The following COPB1 variants were observed in gnomAD, a reference collection of about 807,000 sequenced individuals.
The protein encoded by COPB1 is coat protein complex I subunit beta 1.
COPB1 carries 21 observed loss-of-function variants against 108.7 expected under a neutral mutation model. The observed-to-expected ratio is 0.19, with a 90% confidence interval of 0.14 to 0.28. The LOEUF is 0.28. Ranked by LOEUF, COPB1 falls within the 10% of genes least tolerant of loss-of-function variation. COPB1 has a pLI of 1.00. For missense variants in COPB1, 919 were observed against 1,141.3 expected (o/e 0.81, Z 2.81); for synonymous variants, 378 against 386.8 (o/e 0.98, Z 0.27).
intron 14 of COPB1, among the ~76,000 whole-genome samples, chr11:14,473,361 T>A: frequency 6.6e-6 from 1 of 152,216 alleles, no homozygotes; most frequent in East Asian, 1.9e-4. Context: ...GGCTACCTAC[T>A]TGGCAAAAGC....
chr11:14,481,209 A>G, intron 8 of COPB1, 112 bp from the exon 9 acceptor site: 3 of 760,952 alleles, frequency 3.9e-6, no homozygotes, highest in South Asian at 1.8e-5. Flanking sequence ...TCTTTAATCA[A>G]TAACAAAACC....
intron 17 of COPB1, 99 bp downstream of exon 17, chr11:14,466,183 T>A: frequency 8.6e-7 from 1 of 1,160,406 alleles, no homozygotes; most frequent in Non-Finnish European, 1.2e-6. Flanking sequence ...TCAGAAAAGG[T>A]TCAAGAGAAT....
In COPB1 at chr11:14,490,596, T is replaced by C. The variant is rs764484428; in HGVS notation, c.575A>G (p.Asn192Ser). The change falls in exon 5 of 22, where the codon AAT (asparagine) becomes AGT (serine). Residue 192 changes from asparagine (N) to serine (S), a missense_variant. Coordinates refer to ENST00000439561, the MANE Select transcript of COPB1 (RefSeq NM_001144061.2). ...TGCATGAATTAGCATCATAAATGCA[T>C]TCCTTTTGCAACTTGCATCCTTCTC... ...VNEKDASCKR[N>S]AFMMLIHADQ... 4 of 1,612,708 alleles carry C rather than the reference T, an allele frequency of 2.5e-6. No individual in the cohort carries two copies. In the South Asian group the frequency reaches 3.3e-5, roughly 13 times the overall value.
At chr11:14,469,032 G>A (rs539568832) in intron 15 of COPB1, among the ~76,000 whole-genome samples, 172 bp from the exon 16 acceptor site, 1 of 152,142 alleles carries the variant, frequency 6.6e-6, no homozygotes, top group East Asian at 1.9e-4. Flanking sequence ...CTGTTACTCT[G>A]TTGCCCAGGC....
At chr11:14,498,523 A>G (rs1362277861) in intron 2 of COPB1, among the ~76,000 whole-genome samples, 3 of 152,234 alleles carry the variant, frequency 2.0e-5, no homozygotes, top group African/African-American at 7.2e-5. Flanking sequence ...ATTCCAATAC[A>G]CATCCTCAAC....
intron 12 of COPB1, among the ~76,000 whole-genome samples, chr11:14,476,406 C>T (rs1185312324): frequency 6.6e-6 from 1 of 152,298 alleles, no homozygotes; most frequent in Middle Eastern, 3.4e-3. Context: ...TTTAAATTAA[C>T]TGAATGGCTA....
At position 14,499,013 on chromosome 11, in the gene COPB1, T is replaced by C. The variant is rs1427818432; in HGVS notation, c.-57-28A>G. 3.8e-6 allele frequency: 4 copies of C among 1,055,062 alleles called. No homozygotes were observed. In the East Asian group the frequency reaches 1.1e-4, roughly 28 times the overall value. The allele number at this position is 1,055,062 out of a possible 1,614,324, so 65.4% of individuals were successfully genotyped here. A position where few individuals can be genotyped will look rare whatever the true frequency, so the allele number is the denominator to read the frequency against. On this transcript the variant is annotated intron_variant, in intron 1 of 21. Coordinates refer to ENST00000439561, the MANE Select transcript of COPB1 (RefSeq NM_001144061.2). ...AGAAAAATAAACACAGACATATCATTACAAATTAAAAAAAAAAAACCCACA... is the reference window on the plus strand; with the variant it reads ...AGAAAAATAAACACAGACATATCATCACAAATTAAAAAAAAAAAACCCACA...
At chr11:14,469,213 T>C (rs1448730250) in intron 15 of COPB1, 123 bp downstream of exon 15, 1 of 792,824 alleles carries the variant, frequency 1.3e-6, no homozygotes, top group Non-Finnish European at 2.1e-6. Context: ...CCCACACTGG[T>C]CTCAAACACC....
At position 14,457,855 on chromosome 11, in the gene COPB1, AT is replaced by A; in HGVS notation, c.2830del (p.Ile944SerfsTer24). 1 of 1,590,184 alleles carries A rather than the reference AT, an allele frequency of 6.3e-7. No homozygotes were observed. The highest frequency in any genetic ancestry group is 8.6e-7 in the Non-Finnish European group (1 of 1,162,594). On this transcript the variant is annotated frameshift_variant, in exon 22 of 22. Coordinates refer to ENST00000439561, the MANE Select transcript of COPB1 (RefSeq NM_001144061.2). LOFTEE classifies it high-confidence loss of function. ...QGMALSLGDK[I>X]NLSQKKTSI The stretch of plus-strand genomic sequence containing the variant: ...ACTAGTTTTCTTCTGTGACAAGTTG[AT>A]TTTATCTCCAAGACTTAAGGCCATT...
chr11:14,486,511 A>G lies in COPB1; in HGVS notation c.700-7T>C. 1 of 1,611,722 alleles carries G rather than the reference A, an allele frequency of 6.2e-7. No homozygotes were observed. The highest frequency in any genetic ancestry group is 8.5e-7 in the Non-Finnish European group (1 of 1,179,232). ...ATGGATTAGCATGACAGACCTGGAG[A>G]AGAAAACATTAACATTTCAACCGAT... On this transcript the variant is annotated splice_region_variant and splice_polypyrimidine_tract_variant and intron_variant, in intron 6 of 21. Transcript: ENST00000439561.
chr11:14,487,043 A>C (rs771465828), intron 6 of COPB1, among the ~76,000 whole-genome samples: 2 of 152,188 alleles, frequency 1.3e-5, no homozygotes, highest in Non-Finnish European at 2.9e-5. Flanking sequence ...GGAAAATACC[A>C]GTTTTTCAAG....
intron 5 of COPB1, among the ~76,000 whole-genome samples, chr11:14,489,935 G>T (rs1361165479): frequency 2.0e-5 from 3 of 152,070 alleles, no homozygotes. Flanking sequence ...GGAAGATCTG[G>T]GGGAAAAAAG....
intron 14 of COPB1, among the ~76,000 whole-genome samples, chr11:14,471,254 A>G (rs1173976220): frequency 6.6e-6 from 1 of 152,188 alleles, no homozygotes; most frequent in African/African-American, 2.4e-5. Flanking sequence ...AATGGCATAA[A>G]TGAAGGAGTG....
intron 18 of COPB1, among the ~76,000 whole-genome samples, chr11:14,462,314 C>A (rs1397947883): frequency 4.6e-5 from 7 of 151,050 alleles, no homozygotes; most frequent in African/African-American, 1.7e-4. Flanking sequence ...CTCACTGCAA[C>A]CTCCACCCTT....
intron 14 of COPB1, chr11:14,474,055 T>C (rs1384100335): frequency 6.5e-6 from 1 of 153,214 alleles, no homozygotes; most frequent in Middle Eastern, 3.4e-3. Context: ...CCATTGTAAA[T>C]GGGTGTTTGG....
rs761051944 is a variant in COPB1 at position 14,461,331 on chromosome 11, A to C, written c.2411T>G (p.Val804Gly). 9.3e-6 allele frequency: 15 copies of C among 1,612,218 alleles called. No individual in the cohort carries two copies. Among genetic ancestry groups the C allele is most frequent in the Non-Finnish European group, 1.1e-5 (13 of 1,179,360 alleles). ...ACTTGCTGCTCCAGAGACATCATAA[A>C]CTGCAATTACATATACAAAAAGATT... is the stretch of plus-strand genomic sequence containing the variant. ...TENGIIFGNI[V>G]YDVSGAASDR... Residue 804 changes from valine (V) to glycine (G), a missense_variant and splice_region_variant, in exon 19 of 22, where the codon GTT (valine) becomes GGT (glycine). By Grantham distance (109) the Val-to-Gly change is moderately radical. Transcript: ENST00000439561.
intron 20 of COPB1, among the ~76,000 whole-genome samples, chr11:14,459,717 G>A (rs899835444): frequency 6.6e-6 from 1 of 152,076 alleles, no homozygotes; most frequent in Non-Finnish European, 1.5e-5. Context: ...CTGGGGTTCA[G>A]GTGATTCTCC....
intron 18 of COPB1, among the ~76,000 whole-genome samples, chr11:14,462,477 C>T (rs1197070992): frequency 3.3e-5 from 5 of 152,150 alleles, no homozygotes; most frequent in African/African-American, 9.7e-5. Context: ...CATGATCCAC[C>T]CGCCTTGGCC....
intron 5 of COPB1, among the ~76,000 whole-genome samples, chr11:14,490,145 C>A (rs962726657): frequency 6.6e-6 from 1 of 152,082 alleles, no homozygotes; most frequent in Admixed American, 6.6e-5. Context: ...AGTTGGCACC[C>A]GTGTATGAAA....
Sources: gnomAD v4.1 joint callset for allele counts (sites outside exome capture counted in the v4.1 genomes callset) on GRCh38, gnomAD v4.1.1 for gene constraint, MANE v1.5 for transcripts, NCBI Gene and HGNC (gene_info 2026-07-23, HGNC 2026-07-21) for gene names.